Variants in PPM1E observed in about 807,000 individuals in gnomAD.
PPM1E encodes the protein protein phosphatase, Mg2+/Mn2+ dependent 1E, also known as protein phosphatase 1E.
A neutral mutation model predicts 65.9 loss-of-function variants in PPM1E; 20 were observed. The ratio of observed to expected loss-of-function variants is 0.30; its 90% CI spans 0.21 to 0.44. PPM1E has a LOEUF of 0.44. PPM1E is among the 20% of genes least tolerant of loss of function. The pLI is 1.00. For synonymous variants in PPM1E, 352 were observed against 374.9 expected (o/e 0.94, Z 0.70); for missense variants, 713 against 953.1 (o/e 0.75, Z 3.32).
At chr17:58,897,570 T>C (rs2051438204) in intron 1 of PPM1E, among the ~76,000 whole-genome samples, 1 of 152,236 alleles carries the variant, frequency 6.6e-6, no homozygotes, top group Non-Finnish European at 1.5e-5. Flanking sequence ...AAGAGTAATT[T>C]TGACATTTAA....
At chr17:58,833,759 G>A (rs1418124692) in intron 1 of PPM1E, among the ~76,000 whole-genome samples, 1 of 152,088 alleles carries the variant, frequency 6.6e-6, no homozygotes, top group African/African-American at 2.4e-5. Flanking sequence ...ATGGGTAATC[G>A]GATTCCTGGG....
intron 1 of PPM1E, among the ~76,000 whole-genome samples, chr17:58,873,888 TGCCCGGCCTA>T: frequency 6.6e-6 from 1 of 151,790 alleles, no homozygotes; most frequent in South Asian, 2.1e-4. Flanking sequence ...TGAACCACCG[TGCCCGGCCTA>T]GTGTTAATTT....
rs71367642 is a variant in PPM1E, at chr17:58,888,362, C to CTTTTT, written c.465-67271_465-67267dup. Among the ~76,000 whole-genome samples, 40 of 104,472 alleles carry CTTTTT rather than the reference C, an allele frequency of 3.8e-4. 1 individual carries two copies. Among genetic ancestry groups the CTTTTT allele is most frequent in the African/African-American group, 5.3e-4 (14 of 26,232 alleles). The allele number at this position is 104,472 out of a possible 152,430, so 68.5% of individuals were successfully genotyped here. A position where few individuals can be genotyped will look rare whatever the true frequency, so the allele number is the denominator to read the frequency against. On this transcript the variant is annotated intron_variant, in intron 1 of 6. Coordinates refer to ENST00000308249, the MANE Select transcript of PPM1E (RefSeq NM_014906.5). ...CTTGTTCCCTTTTGGACTCTTCTCT[C>CTTTTT]TTTTTTTTTTTTTTTTTTTTGAGAC...
chr17:58,922,581 A>G lies in PPM1E; in HGVS notation c.465-33068A>G, dbSNP rs1431156055. On this transcript the variant is annotated intron_variant, in intron 1 of 6. Coordinates refer to ENST00000308249, the MANE Select transcript of PPM1E (RefSeq NM_014906.5). ...TTACCTTATTCTTTTTAATGGCTGC[A>G]TTGTATTCCATTGTATTTCACCTGT... Among the ~76,000 whole-genome samples, 4 of 151,684 alleles carry G rather than the reference A, an allele frequency of 2.6e-5. No individual in the cohort carries two copies. In the East Asian group the frequency reaches 5.8e-4, roughly 22 times the overall value.
intron 1 of PPM1E, among the ~76,000 whole-genome samples, chr17:58,951,689 A>T (rs1159228426): frequency 1.3e-5 from 2 of 151,488 alleles, no homozygotes; most frequent in African/African-American, 4.9e-5. Context: ...AAAAAAAAAA[A>T]AGAAAGAAAA....
At position 58,981,588 on chromosome 17, in the gene PPM1E, ATCAGTG is replaced by A. The variant is rs1490232440; in HGVS notation, c.*559_*564del. 1 of 152,706 alleles carries A rather than the reference ATCAGTG, an allele frequency of 6.5e-6. No individual in the cohort carries two copies. Among genetic ancestry groups the A allele is most frequent in the African/African-American group, 2.4e-5 (1 of 41,450 alleles). The allele number at this position is 152,706 out of a possible 1,614,324, so 9.5% of individuals were successfully genotyped here. ...TAACTGATAACAATGAAAGTGGTAA[ATCAGTG>A]TAAAAGTGTCATATTCTCAGACTTG... On this transcript the variant is annotated 3_prime_UTR_variant, in exon 7 of 7. Transcript: ENST00000308249.
intron 1 of PPM1E, among the ~76,000 whole-genome samples, chr17:58,834,933 A>G (rs893624028): frequency 2.0e-5 from 3 of 152,166 alleles, no homozygotes; most frequent in Non-Finnish European, 4.4e-5. Context: ...TAGGATTTTT[A>G]TAGGAATTGC....
At chr17:58,832,308 A>G (rs2050613627) in intron 1 of PPM1E, among the ~76,000 whole-genome samples, 1 of 152,186 alleles carries the variant, frequency 6.6e-6, no homozygotes, top group African/African-American at 2.4e-5. Flanking sequence ...TCCAGGTAGA[A>G]TCTAACCAGC....
At chr17:58,911,778 T>C (rs1229968122) in intron 1 of PPM1E, among the ~76,000 whole-genome samples, 12 of 152,308 alleles carry the variant, frequency 7.9e-5, no homozygotes, top group Non-Finnish European at 1.6e-4. Flanking sequence ...TGAGTCCTTG[T>C]GGAGGGCAAG....
intron 1 of PPM1E, among the ~76,000 whole-genome samples, chr17:58,882,657 C>T (rs2051210425): frequency 6.6e-6 from 1 of 152,064 alleles, no homozygotes; most frequent in Non-Finnish European, 1.5e-5. Context: ...TCCCAAAGTG[C>T]TGGGATTACA....
intron 1 of PPM1E, among the ~76,000 whole-genome samples, chr17:58,826,698 T>C (rs1310146570): frequency 1.3e-5 from 2 of 152,174 alleles, no homozygotes. Context: ...CGATCTTGGC[T>C]CACTGCAACC....
intron 1 of PPM1E, among the ~76,000 whole-genome samples, chr17:58,934,725 GAGACC>G (rs1567879701): frequency 6.6e-6 from 1 of 151,976 alleles, no homozygotes; most frequent in African/African-American, 2.4e-5. Context: ...TCAGGAGTTT[GAGACC>G]AGCCTGGCCA....
At chr17:58,967,911 C>G (rs562076234) in intron 3 of PPM1E, among the ~76,000 whole-genome samples, 10 of 151,772 alleles carry the variant, frequency 6.6e-5, no homozygotes, top group Non-Finnish European at 1.3e-4. Flanking sequence ...TCAAGAGATT[C>G]TTCTGCCTCA....
chr17:58,813,542 G>T (rs773817889), intron 1 of PPM1E, among the ~76,000 whole-genome samples: 20 of 152,178 alleles, frequency 1.3e-4, no homozygotes, highest in Non-Finnish European at 2.6e-4. Context: ...GATAGTAGGG[G>T]TTGTTCATTG....
At chr17:58,946,978 G>A (rs982217916) in intron 1 of PPM1E, among the ~76,000 whole-genome samples, 2 of 151,868 alleles carry the variant, frequency 1.3e-5, no homozygotes, top group Non-Finnish European at 2.9e-5. Context: ...TTAGGTCTGT[G>A]ATGCATTTGG....
intron 1 of PPM1E, among the ~76,000 whole-genome samples, chr17:58,793,953 C>T (rs925783622): frequency 4.6e-5 from 7 of 152,068 alleles, no homozygotes; most frequent in Non-Finnish European, 5.9e-5. Flanking sequence ...AAACGATTTT[C>T]GCATCTCAGC....
intron 1 of PPM1E, among the ~76,000 whole-genome samples, chr17:58,773,671 G>A (rs903908309): frequency 7.2e-5 from 11 of 152,104 alleles, no homozygotes; most frequent in Non-Finnish European, 1.3e-4. Context: ...GAGGCACTGA[G>A]TTAATATTTA....
chr17:58,878,336 G>A (rs1445843204), intron 1 of PPM1E, among the ~76,000 whole-genome samples: 4 of 151,756 alleles, frequency 2.6e-5, no homozygotes, highest in Non-Finnish European at 5.9e-5. Context: ...TCCACCTCCC[G>A]GGTTCAAGGG....
intron 3 of PPM1E, among the ~76,000 whole-genome samples, chr17:58,967,685 A>AT: frequency 6.6e-6 from 1 of 151,434 alleles, no homozygotes; most frequent in East Asian, 1.9e-4. Context: ...TCCTTTTTTT[A>AT]TTTTTTTAAG....
Sources: allele counts gnomAD v4.1 joint callset (sites outside exome capture counted in the v4.1 genomes callset), GRCh38; gene constraint gnomAD v4.1.1; transcripts MANE v1.5; gene names NCBI Gene and HGNC (gene_info 2026-07-23, HGNC 2026-07-21).